SUPT3H: variants seen among roughly 807,000 people sequenced by gnomAD.
SUPT3H encodes transcription initiation protein SPT3 homolog.
SUPT3H carries 44 observed loss-of-function variants against 44.3 expected under a neutral mutation model. That is an observed-to-expected ratio of 0.99 (90% CI 0.78 to 1.28). SUPT3H has a LOEUF of 1.28. SUPT3H is among the 50% of genes most tolerant of loss of function. The probability of loss-of-function intolerance (pLI) is 0.00; values close to 1 mark genes in which losing one functional copy is unlikely to be tolerated. For missense variants in SUPT3H, 380 were observed against 387.1 expected (o/e 0.98, Z 0.15); for synonymous variants, 124 against 125.6 (o/e 0.99, Z 0.09).
chr6:44,953,264 T>G (rs1774591446), intron 9 of SUPT3H, 46 bp downstream of exon 9: 2 of 1,413,508 alleles, frequency 1.4e-6, no homozygotes, highest in Admixed American at 1.7e-5. Context: ...ACCAGATATG[T>G]GTCAAAATTC....
intron 2 of SUPT3H, among the ~76,000 whole-genome samples, chr6:45,257,292 G>T (rs888132575): frequency 5.9e-5 from 9 of 152,034 alleles, no homozygotes; most frequent in African/African-American, 2.2e-4. Context: ...ATTATCCAAG[G>T]TCACAAACCT....
At chr6:44,850,794 A>ATC (rs1190825154) in intron 10 of SUPT3H, among the ~76,000 whole-genome samples, 30 of 152,018 alleles carry the variant, frequency 2.0e-4, no homozygotes, top group African/African-American at 7.0e-4. Context: ...CTATCTATCT[A>ATC]TAAATGTACC....
chr6:45,313,716 A>G (rs189284035), intron 2 of SUPT3H, among the ~76,000 whole-genome samples: 1 of 152,092 alleles, frequency 6.6e-6, no homozygotes, highest in Admixed American at 6.5e-5. Context: ...CAGACATTCA[A>G]AGAAGAACTG....
intron 10 of SUPT3H, among the ~76,000 whole-genome samples, chr6:44,886,485 T>G (rs1002304212): frequency 1.3e-5 from 2 of 152,150 alleles, no homozygotes; most frequent in Non-Finnish European, 2.9e-5. Flanking sequence ...AGAAAAGAAC[T>G]TTCAACCCAG....
chr6:44,979,681 C>G (rs1169920411), intron 6 of SUPT3H, among the ~76,000 whole-genome samples: 1 of 152,020 alleles, frequency 6.6e-6, no homozygotes, highest in Non-Finnish European at 1.5e-5. Flanking sequence ...GTGTGACAGC[C>G]AAGAATTATC....
chr6:45,198,707 TG>T (rs1340115691), intron 2 of SUPT3H, among the ~76,000 whole-genome samples: 7 of 151,336 alleles, frequency 4.6e-5, no homozygotes, highest in African/African-American at 1.7e-4. Flanking sequence ...GTAACATGAG[TG>T]GTTTTTGACT....
chr6:45,009,858 A>C (rs1180590423), intron 5 of SUPT3H, among the ~76,000 whole-genome samples: 1 of 152,158 alleles, frequency 6.6e-6, no homozygotes. Context: ...TGGTAGAATC[A>C]GCGTATTCAT....
intron 11 of SUPT3H, among the ~76,000 whole-genome samples, chr6:44,816,482 T>C (rs761576553): frequency 1.8e-4 from 28 of 152,188 alleles, no homozygotes; most frequent in Non-Finnish European, 2.6e-4. Flanking sequence ...TTATATCTAA[T>C]ATTATTCATA....
chr6:45,236,725 T>C (rs1469495066), intron 2 of SUPT3H, among the ~76,000 whole-genome samples: 1 of 151,994 alleles, frequency 6.6e-6, no homozygotes, highest in Non-Finnish European at 1.5e-5. Context: ...GCTTGGCAGT[T>C]TCCTGTTAGA....
At chr6:44,937,900 CTTTTTTTT>C (rs746279156) in intron 9 of SUPT3H, among the ~76,000 whole-genome samples, 7 of 59,060 alleles carry the variant, frequency 1.2e-4, no homozygotes, top group African/African-American at 3.8e-4. Flanking sequence ...TGCTCACTAT[CTTTTTTTT>C]TTTTTTTTTT....
chr6:45,301,648 A>T (rs1782157458), intron 2 of SUPT3H, among the ~76,000 whole-genome samples: 1 of 152,118 alleles, frequency 6.6e-6, no homozygotes, highest in Admixed American at 6.5e-5. Context: ...GTATTATTTC[A>T]TATGTATCAT....
chr6:44,864,466 C>A (rs1177039142), intron 10 of SUPT3H, among the ~76,000 whole-genome samples: 1 of 152,196 alleles, frequency 6.6e-6, no homozygotes, highest in African/African-American at 2.4e-5. Flanking sequence ...AGGAGAGGTT[C>A]TCCATGAGAG....
intron 2 of SUPT3H, among the ~76,000 whole-genome samples, chr6:45,199,867 T>C (rs1762206424): frequency 6.6e-6 from 1 of 151,480 alleles, no homozygotes; most frequent in African/African-American, 2.4e-5. Flanking sequence ...AGTTAAACAT[T>C]ATGTTTCTTT....
intron 2 of SUPT3H, among the ~76,000 whole-genome samples, chr6:45,271,323 G>A (rs954418605): frequency 6.6e-5 from 10 of 152,278 alleles, no homozygotes; most frequent in Admixed American, 5.9e-4. Flanking sequence ...AGGCCTAGGA[G>A]GAAAAAATGG....
At chr6:45,354,623 G>A (rs930048469) in intron 2 of SUPT3H, among the ~76,000 whole-genome samples, 2 of 100,726 alleles carry the variant, frequency 2.0e-5, no homozygotes, top group Non-Finnish European at 4.3e-5. Context: ...ACAAATGCAC[G>A]CACACATACA....
chr6:45,270,793 C>T (rs1398583922), intron 2 of SUPT3H, among the ~76,000 whole-genome samples: 6 of 152,132 alleles, frequency 3.9e-5, no homozygotes, highest in Non-Finnish European at 7.4e-5. Flanking sequence ...CTCAGAAAGA[C>T]AGGAAAATGT....
chr6:44,958,872 G>GTTTTTT (rs10670652), intron 7 of SUPT3H, among the ~76,000 whole-genome samples: 11 of 98,276 alleles, frequency 1.1e-4, no homozygotes, highest in South Asian at 3.6e-4. Flanking sequence ...CTTATCAATG[G>GTTTTTT]TTTTTTTTTT....
intron 2 of SUPT3H, among the ~76,000 whole-genome samples, chr6:45,363,261 A>C (rs1012812685): frequency 6.6e-6 from 1 of 152,218 alleles, no homozygotes; most frequent in African/African-American, 2.4e-5. Flanking sequence ...CAGCAAGTCC[A>C]TGGCCATAAT....
chr6:45,273,828 C>CT (rs1176087671), intron 2 of SUPT3H, among the ~76,000 whole-genome samples: 1 of 152,170 alleles, frequency 6.6e-6, no homozygotes, highest in African/African-American at 2.4e-5. Context: ...TTCTGCTTCA[C>CT]TAGGAGTGAA....
Sources: allele counts gnomAD v4.1 joint callset (sites outside exome capture counted in the v4.1 genomes callset), GRCh38; gene constraint gnomAD v4.1.1; transcripts MANE v1.5; gene names NCBI Gene and HGNC (gene_info 2026-07-23, HGNC 2026-07-21).